Variants in FNBP1L observed in about 807,000 individuals in gnomAD.
The protein encoded by FNBP1L is formin binding protein 1 like.
FNBP1L carries 36 observed loss-of-function variants against 91.2 expected under a neutral mutation model. The ratio of observed to expected loss-of-function variants is 0.39; its 90% confidence interval spans 0.30 to 0.52. The LOEUF (loss-of-function observed/expected upper bound fraction) is 0.52, where lower values mean the gene tolerates loss of function less well. FNBP1L is among the 20% of genes least tolerant of loss of function. FNBP1L has a pLI of 0.66. For synonymous variants in FNBP1L, 242 were observed against 237.0 expected, an observed-to-expected ratio of 1.02 and a Z score of -0.19; for missense variants, 571 against 732.1, an observed-to-expected ratio of 0.78 and a Z score of 2.54.
intron 2 of FNBP1L, among the ~76,000 whole-genome samples, chr1:93,521,090 A>G (rs1055990949): frequency 2.0e-5 from 3 of 152,108 alleles, no homozygotes; most frequent in East Asian, 1.9e-4. Flanking sequence ...CCAACAAACC[A>G]GCCAACCAGG....
chr1:93,510,555 C>A, intron 2 of FNBP1L, among the ~76,000 whole-genome samples: 1 of 152,186 alleles, frequency 6.6e-6, no homozygotes, highest in South Asian at 2.1e-4. Flanking sequence ...GAGCGCCTCT[C>A]CTCCTCCAAA....
At chr1:93,550,743 G>T (rs1472879350) in intron 15 of FNBP1L, among the ~76,000 whole-genome samples, 2 of 152,188 alleles carry the variant, frequency 1.3e-5, no homozygotes, top group East Asian at 3.8e-4. Flanking sequence ...AGCCCTGCGG[G>T]CTTATTATGC....
rs1451707626 is a variant in FNBP1L, at chr1:93,530,868, T to A, written c.624T>A (p.Ile208=). Residue 208 remains isoleucine, a synonymous_variant, in exon 7 of 17, where the codon ATT becomes ATA. Transcript: ENST00000271234. ...AACATAAACATTTTTATGTAGTGAT[T>A]CCTCAGATTTACAAGGTAAATCTTA... ...GEQHKHFYVV[I]PQIYKQLQEM... 5.2e-6 allele frequency: 8 copies of A among 1,539,520 alleles called. No individual in the cohort carries two copies. Among genetic ancestry groups the A allele is most frequent in the Admixed American group, 4.0e-5 (2 of 49,790 alleles).
At chr1:93,514,271 T>C (rs377602359) in intron 2 of FNBP1L, among the ~76,000 whole-genome samples, 6 of 151,860 alleles carry the variant, frequency 4.0e-5, no homozygotes, top group South Asian at 4.2e-4. Flanking sequence ...TAAAAGAGGA[T>C]ACAAACAAAT....
intron 5 of FNBP1L, among the ~76,000 whole-genome samples, chr1:93,524,890 T>C (rs1408308728): frequency 1.3e-5 from 2 of 152,046 alleles, no homozygotes; most frequent in Non-Finnish European, 2.9e-5. Context: ...TAAAGTACTT[T>C]GTAGGGCAAA....
chr1:93,456,047 C>T (rs77011039), intron 1 of FNBP1L, among the ~76,000 whole-genome samples: 47 of 152,310 alleles, frequency 3.1e-4, no homozygotes, highest in East Asian at 1.5e-3. Flanking sequence ...GCAGGAAGAT[C>T]GCTTGAGCCC....
At chr1:93,471,503 G>T (rs1011070273) in intron 1 of FNBP1L, among the ~76,000 whole-genome samples, 4 of 152,106 alleles carry the variant, frequency 2.6e-5, no homozygotes, top group African/African-American at 7.2e-5. Context: ...ACTAGCCTAG[G>T]CAACATTGCA....
chr1:93,514,125 AACAG>A lies in FNBP1L; in HGVS notation c.141-7951_141-7948del, dbSNP rs1670975288. ...ATCACAAGCATTCTTATACACCAACAACAGACAGAGAGCCAAATCATGAGTGAAC... is the reference window on the plus strand; with the variant it reads ...ATCACAAGCATTCTTATACACCAACAACAGAGAGCCAAATCATGAGTGAAC... On this transcript the variant is annotated intron_variant, in intron 2 of 16. Transcript: ENST00000271234. Among the ~76,000 whole-genome samples the A allele has an allele frequency of 3.9e-5, 6 of 152,018 alleles. No homozygotes were observed. The South Asian group carries it at 1.3e-3, about 32-fold the overall frequency.
At chr1:93,481,473 TAAG>T (rs1307216822) in intron 1 of FNBP1L, among the ~76,000 whole-genome samples, 5 of 152,218 alleles carry the variant, frequency 3.3e-5, no homozygotes, top group African/African-American at 1.2e-4. Flanking sequence ...CAGGGAAAAT[TAAG>T]GAGACTGGCC....
At chr1:93,541,163 TTG>T in intron 11 of FNBP1L, 107 bp downstream of exon 11, 1 of 1,078,806 alleles carries the variant, frequency 9.3e-7, no homozygotes, top group Non-Finnish European at 1.4e-6. Flanking sequence ...CGTTTTCACC[TTG>T]TGTGTTTTTT....
At chr1:93,498,567 A>G (rs1670341517) in intron 1 of FNBP1L, among the ~76,000 whole-genome samples, 1 of 152,198 alleles carries the variant, frequency 6.6e-6, no homozygotes, top group African/African-American at 2.4e-5. Context: ...ACCACAAGTG[A>G]TTTTAAAACA....
intron 1 of FNBP1L, among the ~76,000 whole-genome samples, chr1:93,480,015 G>A (rs926628630): frequency 5.3e-5 from 8 of 152,166 alleles, no homozygotes; most frequent in African/African-American, 1.9e-4. Flanking sequence ...TTCAGAGATT[G>A]AAGTAAAGAC....
At chr1:93,462,573 T>C (rs1668909990) in intron 1 of FNBP1L, among the ~76,000 whole-genome samples, 1 of 152,162 alleles carries the variant, frequency 6.6e-6, no homozygotes. Context: ...ACTTCCCTTG[T>C]TTTTGATAAC....
rs1338486539 is a variant in FNBP1L at position 93,523,343 on chromosome 1, G to C, written c.195-1G>C. 6.3e-7 allele frequency: 1 copy of C among 1,598,444 alleles called. No individual in the cohort carries two copies. The highest frequency in any genetic ancestry group is 1.7e-5 in the Admixed American group (1 of 57,224). On this transcript the variant is annotated splice_acceptor_variant, in intron 3 of 16. Coordinates refer to ENST00000271234, the MANE Select transcript of FNBP1L (RefSeq NM_001164473.3). LOFTEE classifies it high-confidence loss of function. Reference sequence around the variant, plus strand: ...TCACCATTTTGAAATGTTTTTGCCAGGTTTACCTCGTGTGTAGCCTTTTTT... The same window carrying C: ...TCACCATTTTGAAATGTTTTTGCCACGTTTACCTCGTGTGTAGCCTTTTTT...
At chr1:93,511,355 AAG>A (rs1398351747) in intron 2 of FNBP1L, among the ~76,000 whole-genome samples, 2 of 152,180 alleles carry the variant, frequency 1.3e-5, no homozygotes, top group Non-Finnish European at 2.9e-5. Context: ...CAGCCAAACT[AAG>A]CTTCATAAGT....
intron 1 of FNBP1L, among the ~76,000 whole-genome samples, chr1:93,479,578 G>GA (rs1261846226): frequency 6.6e-6 from 1 of 152,034 alleles, no homozygotes; most frequent in African/African-American, 2.4e-5. Context: ...GGCACTCCCA[G>GA]AGCAGCCGTT....
chr1:93,520,394 A>G (rs1671282750), intron 2 of FNBP1L, among the ~76,000 whole-genome samples: 1 of 152,212 alleles, frequency 6.6e-6, no homozygotes, highest in Admixed American at 6.5e-5. Flanking sequence ...GTTTGCGATG[A>G]TGGACCAGTT....
chr1:93,523,273 C>T, intron 3 of FNBP1L, 71 bp from the exon 4 acceptor site: 1 of 1,411,084 alleles, frequency 7.1e-7, no homozygotes, highest in Non-Finnish European at 9.4e-7. Flanking sequence ...ATGTTAGATT[C>T]AGTCCATACC....
intron 2 of FNBP1L, among the ~76,000 whole-genome samples, chr1:93,506,038 A>G (rs1448095821): frequency 6.6e-6 from 1 of 152,208 alleles, no homozygotes; most frequent in East Asian, 1.9e-4. Context: ...AAGAGAGAAG[A>G]TTCGTGGCCG....
Sources: allele counts gnomAD v4.1 joint callset (sites outside exome capture counted in the v4.1 genomes callset), GRCh38; gene constraint gnomAD v4.1.1; transcripts MANE v1.5; gene names NCBI Gene and HGNC (gene_info 2026-07-23, HGNC 2026-07-21).